The following SORCS1 variants were observed in gnomAD, a reference collection of about 807,000 sequenced individuals.
SORCS1 encodes sortilin related VPS10 domain containing receptor 1.
SORCS1 carries 60 observed loss-of-function variants against 146.1 expected under a neutral mutation model. The ratio of observed to expected loss-of-function variants is 0.41; its 90% CI spans 0.33 to 0.51. The LOEUF is 0.51. Ranked by LOEUF, SORCS1 falls within the 20% of genes least tolerant of loss-of-function variation. The pLI, the probability that SORCS1 is intolerant of heterozygous loss-of-function variation, is 0.21. For synonymous variants in SORCS1, 637 were observed against 584.0 expected (o/e 1.09, Z -1.31); for missense variants, 1,352 against 1,487.6 (o/e 0.91, Z 1.50).
At chr10:106,799,899 G>A (rs1381280505) in intron 3 of SORCS1, among the ~76,000 whole-genome samples, 1 of 152,122 alleles carries the variant, frequency 6.6e-6, no homozygotes, top group Non-Finnish European at 1.5e-5. Context: ...GACTAACACA[G>A]GTCCTAAAAG....
intron 2 of SORCS1, among the ~76,000 whole-genome samples, chr10:106,883,968 A>G (rs1330214586): frequency 6.6e-6 from 1 of 152,172 alleles, no homozygotes; most frequent in Non-Finnish European, 1.5e-5. Context: ...TTCTGAGCCA[A>G]TAGATTGTTA....
At chr10:106,734,230 G>T (rs1175660763) in intron 5 of SORCS1, among the ~76,000 whole-genome samples, 1 of 152,130 alleles carries the variant, frequency 6.6e-6, no homozygotes, top group Non-Finnish European at 1.5e-5. Flanking sequence ...GAATTTTATG[G>T]AAGGGAAAGG....
intron 1 of SORCS1, among the ~76,000 whole-genome samples, chr10:107,078,676 C>T (rs183093672): frequency 9.9e-5 from 15 of 152,250 alleles, no homozygotes; most frequent in African/African-American, 3.4e-4. Flanking sequence ...AAGCTTTGTA[C>T]TTGATCATTT....
chr10:106,632,162 A>T (rs1210832967), intron 18 of SORCS1, among the ~76,000 whole-genome samples: 1 of 152,226 alleles, frequency 6.6e-6, no homozygotes, highest in Non-Finnish European at 1.5e-5. Context: ...AAGACATGGA[A>T]TACTCCAATC....
chr10:106,667,875 C>T, intron 16 of SORCS1, 73 bp from the exon 17 acceptor site: 3 of 984,014 alleles, frequency 3.0e-6, no homozygotes, highest in South Asian at 2.8e-5. Context: ...CATCAGTCCA[C>T]AGCCAAGTTC....
Position 106,629,219 on chromosome 10 carries a change from A to G in SORCS1, c.2645T>C (p.Leu882Pro). ...DNSLGSDSAV[L>P]YLHVTCPLEH... ...TAACATACAAGTTACATGTAAGTAC[A>G]GGACGGCGCTGTCAGAACCCAGACT... Residue 882 changes from leucine (L) to proline (P), a missense_variant, in exon 19 of 26, where the codon CTG becomes CCG. By Grantham distance (98) the Leu-to-Pro change is moderately conservative. Transcript: ENST00000263054. 1 of 1,613,810 alleles carries G rather than the reference A, an allele frequency of 6.2e-7. No individual in the cohort carries two copies. The highest frequency in any genetic ancestry group is 8.5e-7 in the Non-Finnish European group (1 of 1,179,788).
At chr10:107,102,122 T>G (rs903495106) in intron 1 of SORCS1, among the ~76,000 whole-genome samples, 1 of 152,224 alleles carries the variant, frequency 6.6e-6, no homozygotes, top group Admixed American at 6.5e-5. Flanking sequence ...ATGCAACACA[T>G]GATATGTATT....
rs1228859159 is a variant in SORCS1, at chr10:106,960,397, CTCTTTT to C, written c.559-3823_559-3818del. Among the ~76,000 whole-genome samples the C allele has an allele frequency of 1.3e-5, 2 of 150,858 alleles. No homozygotes were observed. The highest frequency in any genetic ancestry group is 2.9e-5 in the Non-Finnish European group (2 of 67,932). ...GAACTTCACTTGGTCCATACGTTTT[CTCTTTT>C]TCTTTTTCTTTTTTTTTTTTGAGAT... On this transcript the variant is annotated intron_variant, in intron 1 of 25. Transcript: ENST00000263054. This position sits in a 1 kb window ranked among gnomAD's most constrained non-coding sequence, Gnocchi z 4.4.
intron 17 of SORCS1, among the ~76,000 whole-genome samples, chr10:106,660,642 G>A (rs1850653523): frequency 6.6e-6 from 1 of 151,248 alleles, no homozygotes; most frequent in African/African-American, 2.4e-5. Flanking sequence ...TGTCTTTATT[G>A]TATAAATATC....
In SORCS1 at chr10:106,615,511, A is replaced by G. The variant is rs148466445; in HGVS notation, c.2920+2638T>C. Among the ~76,000 whole-genome samples, 500 of 152,284 alleles carry G rather than the reference A, an allele frequency of 3.3e-3. 5 individuals are homozygous for G. Among genetic ancestry groups the G allele is most frequent in the East Asian group, 0.026 (137 of 5,172 alleles). On this transcript the variant is annotated intron_variant, in intron 21 of 25. Transcript: ENST00000263054. ...TTTTGTTTAAGGAGTCACACCTGTC[A>G]TTAAAACTGTCTGATCATGGAACCA...
At chr10:106,666,064 T>C (rs910375249) in intron 17 of SORCS1, among the ~76,000 whole-genome samples, 5 of 152,158 alleles carry the variant, frequency 3.3e-5, no homozygotes, top group Non-Finnish European at 1.5e-5. Context: ...ATGGTCTCGA[T>C]CTCCTGACCT....
In SORCS1 at chr10:106,890,932, A is replaced by C. The variant is rs192339228; in HGVS notation, c.627-61259T>G. Among the ~76,000 whole-genome samples, 26 of 152,334 alleles carry C rather than the reference A, an allele frequency of 1.7e-4. No individual in the cohort carries two copies. In the East Asian group the frequency reaches 5.0e-3, roughly 29 times the overall value. On this transcript the variant is annotated intron_variant, in intron 2 of 25. Coordinates refer to ENST00000263054, the MANE Select transcript of SORCS1 (RefSeq NM_052918.5). ...CAGAGCATCGATTCTACTTTATAGT[A>C]ACCATGACAGCTCCAGCAAAAAGAG...
At chr10:106,596,333 C>T (rs1465265695) in intron 24 of SORCS1, among the ~76,000 whole-genome samples, 2 of 152,140 alleles carry the variant, frequency 1.3e-5, no homozygotes, top group Non-Finnish European at 2.9e-5. Context: ...GTTTGTACTC[C>T]ATGGAGCACC....
At chr10:106,583,374 A>G (rs1360963175) in intron 24 of SORCS1, among the ~76,000 whole-genome samples, 1 of 152,220 alleles carries the variant, frequency 6.6e-6, no homozygotes, top group Non-Finnish European at 1.5e-5. Context: ...GCAGAAAAGA[A>G]CACATTTAAC....
chr10:106,922,152 AG>A (rs2138421725), intron 2 of SORCS1, among the ~76,000 whole-genome samples: 1 of 152,368 alleles, frequency 6.6e-6, no homozygotes, highest in East Asian at 1.9e-4. Flanking sequence ...AAAGAATGAA[AG>A]GGATAAGTTT....
At chr10:106,841,282 C>A (rs1053389716) in intron 2 of SORCS1, among the ~76,000 whole-genome samples, 1 of 151,800 alleles carries the variant, frequency 6.6e-6, no homozygotes, top group Non-Finnish European at 1.5e-5. Flanking sequence ...CCAGCCTGGG[C>A]AACATGGTGA....
At position 106,579,366 on chromosome 10, in the gene SORCS1, C is replaced by T; in HGVS notation, c.3371+3G>A. On this transcript the variant is annotated splice_donor_region_variant and intron_variant, in intron 25 of 25. Transcript: ENST00000263054. ...GGGGGAACGTGGATAGAGGGACACG[C>T]ACCTTTTAAACTTGTAGATGACGAA... 1.2e-6 allele frequency: 2 copies of T among 1,613,938 alleles called. No homozygotes were observed. Among genetic ancestry groups the T allele is most frequent in the Non-Finnish European group, 1.7e-6 (2 of 1,179,994 alleles).
At chr10:106,597,621 T>C (rs977545433) in intron 23 of SORCS1, among the ~76,000 whole-genome samples, 171 bp from the exon 24 acceptor site, 1 of 152,222 alleles carries the variant, frequency 6.6e-6, no homozygotes, top group Admixed American at 6.5e-5. Flanking sequence ...GATACAATTA[T>C]TTTTAAGCAT....
intron 18 of SORCS1, among the ~76,000 whole-genome samples, chr10:106,649,086 A>T (rs555859931): frequency 6.6e-6 from 1 of 152,272 alleles, no homozygotes; most frequent in South Asian, 2.1e-4. Flanking sequence ...CCTCCGCTCA[A>T]TAAAACCTTG....
Sources: allele counts gnomAD v4.1 joint callset (sites outside exome capture counted in the v4.1 genomes callset), GRCh38; gene constraint gnomAD v4.1.1; non-coding constraint Gnocchi (gnomAD v3.1); transcripts MANE v1.5; gene names NCBI Gene and HGNC (gene_info 2026-07-23, HGNC 2026-07-21).